SHROOM3: variants seen among roughly 807,000 people sequenced by gnomAD.
The protein encoded by SHROOM3 is protein Shroom3.
SHROOM3 carries 47 observed loss-of-function variants against 138.6 expected under a neutral mutation model. The ratio of observed to expected loss-of-function variants is 0.34; its 90% CI spans 0.27 to 0.43. SHROOM3 has a LOEUF of 0.43. Among genes scored for constraint, SHROOM3 ranks in the 20% least tolerant of loss-of-function variants. SHROOM3 has a pLI of 1.00. For synonymous variants in SHROOM3, 1,062 were observed against 1,063.3 expected, an observed-to-expected ratio of 1.00 and a Z score of 0.02; for missense variants, 2,491 against 2,596.5, an observed-to-expected ratio of 0.96 and a Z score of 0.88.
intron 1 of SHROOM3, among the ~76,000 whole-genome samples, chr4:76,505,086 A>G (rs755005801): frequency 2.0e-5 from 3 of 152,188 alleles, no homozygotes; most frequent in South Asian, 4.1e-4. Context: ...ATGTACAAAG[A>G]GTATAGCTTT....
chr4:76,766,337 C>T (rs1218881437), intron 9 of SHROOM3, among the ~76,000 whole-genome samples: 1 of 152,304 alleles, frequency 6.6e-6, no homozygotes, highest in East Asian at 1.9e-4. Flanking sequence ...TTGCCTGATG[C>T]CGAATGTTAT....
chr4:76,596,230 A>C (rs190851274), intron 2 of SHROOM3, among the ~76,000 whole-genome samples: 7 of 152,266 alleles, frequency 4.6e-5, no homozygotes, highest in Admixed American at 2.6e-4. Context: ...GATATTCAGT[A>C]ATGTGCTGGG....
chr4:76,489,723 GGACTCTCCTTTGTCAATAGAAAAA>G (rs1415341919), intron 1 of SHROOM3, among the ~76,000 whole-genome samples: 1 of 152,032 alleles, frequency 6.6e-6, no homozygotes, highest in African/African-American at 2.4e-5. Flanking sequence ...GCTACACTTG[GGACTCTCCTTTGTCAATAGAAAAA>G]GACAAAGGAC....
At chr4:76,748,942 T>G (rs1721537406) in intron 5 of SHROOM3, 75 bp from the exon 6 acceptor site, 5 of 1,459,808 alleles carry the variant, frequency 3.4e-6, no homozygotes. Context: ...TCCTTCTCCT[T>G]TTTACCTCCA....
intron 2 of SHROOM3, among the ~76,000 whole-genome samples, chr4:76,579,536 C>T (rs1349859370): frequency 6.6e-6 from 1 of 152,212 alleles, no homozygotes; most frequent in Non-Finnish European, 1.5e-5. Flanking sequence ...TTTGTTTAAT[C>T]CACATTAAAA....
intron 2 of SHROOM3, among the ~76,000 whole-genome samples, chr4:76,597,742 G>T (rs564270368): frequency 2.0e-5 from 3 of 152,178 alleles, no homozygotes; most frequent in Admixed American, 6.5e-5. Context: ...ATGAGATCTG[G>T]CTTCTAGCGA....
At chr4:76,601,985 T>C (rs1427639422) in intron 2 of SHROOM3, among the ~76,000 whole-genome samples, 1 of 152,246 alleles carries the variant, frequency 6.6e-6, no homozygotes, top group Non-Finnish European at 1.5e-5. Context: ...GGTTCAGCAC[T>C]CTGTGGACAC....
chr4:76,683,067 C>T (rs1264950239), intron 2 of SHROOM3, among the ~76,000 whole-genome samples: 1 of 152,174 alleles, frequency 6.6e-6, no homozygotes. Context: ...TGTTTTACCA[C>T]ATTACATAAA....
intron 9 of SHROOM3, among the ~76,000 whole-genome samples, chr4:76,764,450 T>C (rs1367222263): frequency 6.6e-6 from 1 of 152,250 alleles, no homozygotes; most frequent in Non-Finnish European, 1.5e-5. Context: ...GGTTCTCAGC[T>C]GCCCATTCCC....
intron 2 of SHROOM3, chr4:76,637,385 C>A (rs1986965): frequency 6.6e-6 from 1 of 151,884 alleles, no homozygotes; most frequent in East Asian, 1.9e-4. Flanking sequence ...TTGGCCTCAC[C>A]CTGGTAATAT....
intron 2 of SHROOM3, among the ~76,000 whole-genome samples, chr4:76,613,789 C>T (rs890637381): frequency 1.3e-5 from 2 of 152,146 alleles, no homozygotes; most frequent in Admixed American, 6.5e-5. Context: ...ATGCTGCATG[C>T]TCAACTTCAC....
chr4:76,620,013 G>A (rs528331064), intron 2 of SHROOM3, among the ~76,000 whole-genome samples: 1 of 142,864 alleles, frequency 7.0e-6, no homozygotes, highest in African/African-American at 2.6e-5. Flanking sequence ...AGGAGTTGCA[G>A]TGAGCCAAGA....
chr4:76,656,273 G>A (rs984019488), intron 2 of SHROOM3, among the ~76,000 whole-genome samples: 1 of 152,096 alleles, frequency 6.6e-6, no homozygotes, highest in African/African-American at 2.4e-5. Flanking sequence ...CTTGTACTAC[G>A]GTTCCTCTTA....
intron 5 of SHROOM3, among the ~76,000 whole-genome samples, chr4:76,744,076 C>G (rs908833035): frequency 1.3e-5 from 2 of 152,146 alleles, no homozygotes; most frequent in Admixed American, 6.5e-5. Context: ...TCTTTCCCCC[C>G]AAATATTTCT....
chr4:76,612,988 G>C (rs1467052130), intron 2 of SHROOM3, among the ~76,000 whole-genome samples: 1 of 152,214 alleles, frequency 6.6e-6, no homozygotes, highest in African/African-American at 2.4e-5. Flanking sequence ...AACTAAGTTA[G>C]AGTTGAATCC....
intron 2 of SHROOM3, among the ~76,000 whole-genome samples, chr4:76,705,276 C>G (rs541552875): frequency 1.3e-4 from 20 of 152,106 alleles, no homozygotes; most frequent in African/African-American, 4.6e-4. Flanking sequence ...TTAAGACCAG[C>G]TCAGGCAATG....
intron 2 of SHROOM3, among the ~76,000 whole-genome samples, chr4:76,564,038 G>C (rs890453865): frequency 6.6e-6 from 1 of 152,166 alleles, no homozygotes; most frequent in Non-Finnish European, 1.5e-5. Context: ...GGAGCGTCTC[G>C]TGTCTGAAAT....
chr4:76,614,159 C>T (rs1436881223), intron 2 of SHROOM3, among the ~76,000 whole-genome samples: 2 of 152,142 alleles, frequency 1.3e-5, no homozygotes, highest in Non-Finnish European at 2.9e-5. Context: ...GGGTTCACAC[C>T]TTCTCCCGCT....
At position 76,689,844 on chromosome 4, in the gene SHROOM3, C is replaced by T. The variant is rs1719465814; in HGVS notation, c.324-20312C>T. 7.5e-6 allele frequency: 6 copies of T among 795,882 alleles called. 1 individual carries two copies. The South Asian group carries it at 3.4e-4, about 45-fold the overall frequency. The allele number at this position is 795,882 out of a possible 1,614,324, so 49.3% of individuals were successfully genotyped here. Reference sequence around the variant, plus strand: ...CTCCCAGGGGCTTTCACGGCCAGCACCCCGGCTGATGGGGGCAGGTGGCGT... The same window carrying T: ...CTCCCAGGGGCTTTCACGGCCAGCATCCCGGCTGATGGGGGCAGGTGGCGT... On this transcript the variant is annotated intron_variant, in intron 2 of 10. Transcript: ENST00000296043.
Sources: allele counts gnomAD v4.1 joint callset (sites outside exome capture counted in the v4.1 genomes callset), GRCh38; gene constraint gnomAD v4.1.1; transcripts MANE v1.5; gene names NCBI Gene and HGNC (gene_info 2026-07-23, HGNC 2026-07-21).